The following STEAP3 variants were observed in gnomAD, a reference collection of about 807,000 sequenced individuals.
STEAP3 encodes the protein metalloreductase STEAP3.
In STEAP3, 35 loss-of-function variants were observed where a neutral mutation model predicts 34.9. That is an observed-to-expected ratio of 1.00 (90% CI 0.76 to 1.33). The LOEUF is 1.33. Among genes scored for constraint, STEAP3 ranks in the 40% most tolerant of loss-of-function variants. STEAP3 has a pLI of 0.00. For missense variants in STEAP3, 652 were observed against 667.6 expected (o/e 0.98, Z 0.26); for synonymous variants, 281 against 301.6 (o/e 0.93, Z 0.71).
chr2:119,251,462 C>T (rs1677623741), intron 4 of STEAP3, among the ~76,000 whole-genome samples: 1 of 152,158 alleles, frequency 6.6e-6, no homozygotes, highest in African/African-American at 2.4e-5. Flanking sequence ...GTGTATTTCC[C>T]TGGAAATACA....
At chr2:119,261,913 C>T (rs1414807854) in intron 5 of STEAP3, among the ~76,000 whole-genome samples, 1 of 152,242 alleles carries the variant, frequency 6.6e-6, no homozygotes, top group Non-Finnish European at 1.5e-5. Context: ...TGTAAAATGG[C>T]CGGGACCATT....
intron 4 of STEAP3, among the ~76,000 whole-genome samples, chr2:119,253,342 T>C (rs778521020): frequency 6.6e-6 from 1 of 152,204 alleles, no homozygotes; most frequent in Non-Finnish European, 1.5e-5. Context: ...TTTCACAGAT[T>C]GCAGGAAAAG....
intron 1 of STEAP3, among the ~76,000 whole-genome samples, chr2:119,229,647 C>T (rs957243694): frequency 1.3e-5 from 2 of 152,220 alleles, no homozygotes; most frequent in African/African-American, 2.4e-5. Flanking sequence ...AGCTGCCTGT[C>T]TGAATTCAAA....
intron 2 of STEAP3, among the ~76,000 whole-genome samples, chr2:119,236,972 A>C (rs1023468927): frequency 6.6e-6 from 1 of 152,252 alleles, no homozygotes; most frequent in Non-Finnish European, 1.5e-5. Flanking sequence ...GGTACTGATT[A>C]TATAAGCCTC....
At chr2:119,262,356 A>G (rs1221585428) in intron 5 of STEAP3, among the ~76,000 whole-genome samples, 1 of 151,848 alleles carries the variant, frequency 6.6e-6, no homozygotes, top group Non-Finnish European at 1.5e-5. Context: ...ACACACACAC[A>G]TATACATGTA....
chr2:119,242,536 G>A (rs1159880690), intron 2 of STEAP3, among the ~76,000 whole-genome samples: 5 of 152,176 alleles, frequency 3.3e-5, no homozygotes, highest in African/African-American at 1.2e-4. Flanking sequence ...CCTTCCCCGG[G>A]GCTGAAGGGG....
intron 2 of STEAP3, among the ~76,000 whole-genome samples, chr2:119,234,690 G>A (rs1677038220): frequency 6.6e-6 from 1 of 152,206 alleles, no homozygotes; most frequent in African/African-American, 2.4e-5. Context: ...TGGCAGGATG[G>A]ACTATTGCAT....
intron 5 of STEAP3, among the ~76,000 whole-genome samples, chr2:119,255,449 G>A (rs757210964): frequency 1.3e-5 from 2 of 152,162 alleles, no homozygotes; most frequent in Non-Finnish European, 2.9e-5. Context: ...ATGAATTTGA[G>A]AAAAGATTTA....
intron 1 of STEAP3, among the ~76,000 whole-genome samples, chr2:119,225,114 C>T (rs886406699): frequency 6.6e-6 from 1 of 152,222 alleles, no homozygotes; most frequent in Admixed American, 6.5e-5. Context: ...GGTGTGTCCT[C>T]TCAGTCACCT....
chr2:119,229,856 C>T (rs1431987145), intron 1 of STEAP3, among the ~76,000 whole-genome samples: 1 of 138,622 alleles, frequency 7.2e-6, no homozygotes, highest in East Asian at 1.9e-4. Context: ...GGAAGTCAGT[C>T]CCTGCCTACA....
chr2:119,240,482 G>T (rs1248885310), intron 2 of STEAP3, among the ~76,000 whole-genome samples: 2 of 152,222 alleles, frequency 1.3e-5, no homozygotes, highest in Non-Finnish European at 2.9e-5. Flanking sequence ...GGCCACTCAT[G>T]TCTGAAAGGT....
chr2:119,243,409 C>T (rs1465139939), intron 2 of STEAP3, among the ~76,000 whole-genome samples: 1 of 152,140 alleles, frequency 6.6e-6, no homozygotes, highest in Non-Finnish European at 1.5e-5. Context: ...CTCTGACTGC[C>T]GAGGCAGACA....
rs148271205 is a variant in STEAP3 at position 119,230,832 on chromosome 2, C to T, written c.-181C>T. 4.1e-4 allele frequency: 299 copies of T among 725,438 alleles called. 2 individuals carry two copies. The highest frequency in any genetic ancestry group is 3.5e-3 in the Middle Eastern group (15 of 4,228). The allele number at this position is 725,438 out of a possible 1,614,324, so 44.9% of individuals were successfully genotyped here. A position where few individuals can be genotyped will look rare whatever the true frequency, so the allele number is the denominator to read the frequency against. On this transcript the variant is annotated 5_prime_UTR_variant, in exon 2 of 6. Transcript: ENST00000393110. The stretch of plus-strand genomic sequence containing the variant: ...TCCAGCCCCTGTGGCCAAGAGCTGG[C>T]GTGCAGGCTGCGGGAGGCAGCTGGC...
intron 5 of STEAP3, among the ~76,000 whole-genome samples, chr2:119,262,731 G>T (rs1378173018): frequency 1.3e-5 from 2 of 152,152 alleles, no homozygotes; most frequent in Non-Finnish European, 2.9e-5. Flanking sequence ...TCATCCAGCA[G>T]CCTCCAGAGA....
chr2:119,247,970 G>A lies in STEAP3; in HGVS notation c.814G>A (p.Val272Met), dbSNP rs372628049. ...VSVVNTTLPCVAYVLLSLVYL... is the reference protein window; with the variant it reads ...VSVVNTTLPCMAYVLLSLVYL... Reference sequence around the variant, plus strand: ...CGTGGTCAACACCACACTGCCGTGCGTGGCCTACGTGCTGCTGTCACTCGT... The same window carrying A: ...CGTGGTCAACACCACACTGCCGTGCATGGCCTACGTGCTGCTGTCACTCGT... The change falls in exon 4 of 6, where the codon GTG becomes ATG. Residue 272 changes from valine to methionine, a missense_variant. Physicochemically the swap from Val to Met is conservative, Grantham distance 21. Transcript: ENST00000393110. 3.2e-5 allele frequency: 51 copies of A among 1,612,934 alleles called. No homozygotes were observed. Among genetic ancestry groups the A allele is most frequent in the South Asian group, 2.1e-4 (19 of 91,092 alleles).
intron 1 of STEAP3, among the ~76,000 whole-genome samples, chr2:119,227,182 A>G (rs184564953): frequency 2.0e-5 from 3 of 151,078 alleles, no homozygotes; most frequent in Admixed American, 2.0e-4. Context: ...CAGGACCTAT[A>G]GCTCATGTGA....
intron 2 of STEAP3, among the ~76,000 whole-genome samples, chr2:119,233,587 A>T (rs1168274872): frequency 2.0e-5 from 3 of 152,142 alleles, no homozygotes. Context: ...AATCATTCAA[A>T]CCACAAAAAT....
At chr2:119,247,648 G>A (rs765796640) in intron 3 of STEAP3, 31 bp from the exon 4 acceptor site, 19 of 1,505,304 alleles carry the variant, frequency 1.3e-5, no homozygotes, top group Middle Eastern at 1.8e-4. Flanking sequence ...GGCCTGTGAC[G>A]CCGTCTGACT....
Position 119,263,311 on chromosome 2 carries a change from C to G in STEAP3, c.1470C>G (p.Ala490=). Residue 490 remains alanine (A), a synonymous_variant, in exon 6 of 6, where the codon GCC becomes GCG. Coordinates refer to ENST00000393110, the MANE Select transcript of STEAP3 (RefSeq NM_182915.3). ...TIKFTLPTDH[A]LAEKTSHV is the part of the protein sequence containing the mutation. ...AGTTCACGCTGCCCACAGACCACGCCCTGGCCGAGAAGACGAGCCACGTAT... is the reference window on the plus strand; with the variant it reads ...AGTTCACGCTGCCCACAGACCACGCGCTGGCCGAGAAGACGAGCCACGTAT... 1 of 1,613,526 alleles carries G rather than the reference C, an allele frequency of 6.2e-7. No homozygotes were observed. Among genetic ancestry groups the G allele is most frequent in the Non-Finnish European group, 8.5e-7 (1 of 1,179,896 alleles).
Sources: allele counts gnomAD v4.1 joint callset (sites outside exome capture counted in the v4.1 genomes callset), GRCh38; gene constraint gnomAD v4.1.1; transcripts MANE v1.5; gene names NCBI Gene and HGNC (gene_info 2026-07-23, HGNC 2026-07-21).